Variants in PDGFRA observed in about 807,000 individuals in gnomAD.
PDGFRA encodes platelet-derived growth factor receptor alpha.
A neutral mutation model predicts 121.5 loss-of-function variants in PDGFRA; 25 were observed. That is an observed-to-expected ratio of 0.21 (90% CI 0.15 to 0.29). The LOEUF (loss-of-function observed/expected upper bound fraction) is 0.29, where lower values mean the gene tolerates loss of function less well. Ranked by LOEUF, PDGFRA falls within the 10% of genes least tolerant of loss-of-function variation. PDGFRA has a pLI of 1.00. For synonymous variants in PDGFRA, 463 were observed against 494.8 expected (o/e 0.94, Z 0.85); for missense variants, 1,008 against 1,345.1 (o/e 0.75, Z 3.92).
chr4:54,272,263 C>A, intron 8 of PDGFRA, 131 bp from the exon 9 acceptor site: 1 of 885,700 alleles, frequency 1.1e-6, no homozygotes, highest in Non-Finnish European at 1.9e-6. Context: ...GTTACTTGTA[C>A]AACTGGTTTC....
chr4:54,253,859 A>G (rs1397384625), intron 1 of PDGFRA, among the ~76,000 whole-genome samples: 1 of 151,728 alleles, frequency 6.6e-6, no homozygotes. Context: ...TAATGTTTTT[A>G]TTTTTAGTAG....
At chr4:54,256,716 A>G (rs774853968) in intron 1 of PDGFRA, among the ~76,000 whole-genome samples, 1 of 151,660 alleles carries the variant, frequency 6.6e-6, no homozygotes, top group Non-Finnish European at 1.5e-5. Context: ...CGGGTGATAA[A>G]GACCCCAGGA....
chr4:54,278,294 C>G (rs2110314017), intron 14 of PDGFRA, 68 bp from the exon 15 acceptor site: 1 of 1,301,212 alleles, frequency 7.7e-7, no homozygotes, highest in Non-Finnish European at 1.1e-6. Flanking sequence ...ATATGGTCTG[C>G]AGGACAATTC....
chr4:54,240,515 G>A (rs144078828), intron 1 of PDGFRA, among the ~76,000 whole-genome samples: 1 of 152,304 alleles, frequency 6.6e-6, no homozygotes, highest in East Asian at 1.9e-4. Context: ...TCCCACCCAG[G>A]GGAAATCTTG....
chr4:54,245,880 A>C (rs1367194647), intron 1 of PDGFRA, among the ~76,000 whole-genome samples: 13 of 151,948 alleles, frequency 8.6e-5, no homozygotes, highest in African/African-American at 2.9e-4. Context: ...TCTACCAAGC[A>C]AATGGAAAAC....
intron 2 of PDGFRA, among the ~76,000 whole-genome samples, chr4:54,259,721 TC>T (rs1722582998): frequency 6.6e-6 from 1 of 152,226 alleles, no homozygotes; most frequent in Admixed American, 6.5e-5. Flanking sequence ...GTATACCCCA[TC>T]TACAGAGTAA....
In PDGFRA at chr4:54,289,070, C is replaced by T; in HGVS notation, c.2836C>T (p.Leu946=). 6.2e-7 allele frequency: 1 copy of T among 1,610,032 alleles called. No homozygotes were observed. Among genetic ancestry groups the T allele is most frequent in the Non-Finnish European group, 8.5e-7 (1 of 1,176,308 alleles). ...GGAGAAGAGACCCTCCTTTTACCAC[C>T]TGAGTGAGATTGTGGAGAATCTGCT... ...EPEKRPSFYH[L]SEIVENLLPG... Residue 946 remains leucine (L), a synonymous_variant, in exon 21 of 23, where the codon CTG becomes TTG. Coordinates refer to ENST00000257290, the MANE Select transcript of PDGFRA (RefSeq NM_006206.6).
chr4:54,284,723 C>T (rs1724233507), intron 16 of PDGFRA, among the ~76,000 whole-genome samples: 1 of 152,068 alleles, frequency 6.6e-6, no homozygotes, highest in Non-Finnish European at 1.5e-5. Flanking sequence ...CACCTCCCAC[C>T]AGGCCCCACC....
intron 9 of PDGFRA, 36 bp downstream of exon 9, chr4:54,272,556 C>A: frequency 6.2e-7 from 1 of 1,605,106 alleles, no homozygotes; most frequent in South Asian, 1.1e-5. Context: ...CTTTCGTGGT[C>A]AGAATATTTC....
At chr4:54,245,329 C>T (rs1158667693) in intron 1 of PDGFRA, among the ~76,000 whole-genome samples, 1 of 152,166 alleles carries the variant, frequency 6.6e-6, no homozygotes, top group Non-Finnish European at 1.5e-5. Flanking sequence ...TCAGGTTACC[C>T]ACAAAGGGAA....
chr4:54,288,851 CAA>C lies in PDGFRA; in HGVS notation c.2728_2729del (p.Lys910GlufsTer9). 1 of 1,613,518 alleles carries C rather than the reference CAA, an allele frequency of 6.2e-7. No individual in the cohort carries two copies. The highest frequency in any genetic ancestry group is 8.5e-7 in the Non-Finnish European group (1 of 1,179,434). ...MVDSTFYNKIKSGYRMAKPDH... is the reference protein window; with the variant it reads ...MVDSTFYNKIXSGYRMAKPDH... ...TGGATTCTACTTTCTACAATAAGAT[CAA>C]GAGTGGGTACCGGATGGCCAAGCCT... On this transcript the variant is annotated frameshift_variant, in exon 20 of 23. Coordinates refer to ENST00000257290, the MANE Select transcript of PDGFRA (RefSeq NM_006206.6). LOFTEE classifies it high-confidence loss of function.
rs550341110 is a variant in PDGFRA, at chr4:54,292,011, A to G, written c.3122+1457A>G. On this transcript the variant is annotated intron_variant, in intron 22 of 22. Transcript: ENST00000257290. ...CAGAATGGCTATTATTTAAAAGTCA[A>G]AAAGCAACAGATTGTGGCGAGGTTG... 2.6e-5 allele frequency among the ~76,000 whole-genome samples: 4 copies of G among 152,316 alleles called. 1 individual carries two copies. In the East Asian group the frequency reaches 7.7e-4, roughly 29 times the overall value.
chr4:54,229,474 G>T (rs1231031507), intron 1 of PDGFRA, 59 bp downstream of exon 1: 1 of 395,874 alleles, frequency 2.5e-6, no homozygotes, highest in Non-Finnish European at 4.4e-6. Flanking sequence ...TCAGACTCTG[G>T]GACTGGAGAA....
chr4:54,260,919 C>T (rs543161946), intron 2 of PDGFRA, among the ~76,000 whole-genome samples, 176 bp from the exon 3 acceptor site: 2 of 152,106 alleles, frequency 1.3e-5, no homozygotes, highest in Admixed American at 6.5e-5. Flanking sequence ...ATTTGCTGCT[C>T]TCAGCAGATG....
intron 16 of PDGFRA, among the ~76,000 whole-genome samples, chr4:54,282,434 T>C (rs2110330105): frequency 6.6e-6 from 1 of 152,246 alleles, no homozygotes; most frequent in South Asian, 2.1e-4. Context: ...TGCCACACAC[T>C]TCTAAACAGT....
chr4:54,267,493 A>G, intron 6 of PDGFRA, 33 bp downstream of exon 6: 2 of 1,613,888 alleles, frequency 1.2e-6, no homozygotes, highest in East Asian at 2.2e-5. Context: ...TCAGTTGTCC[A>G]TGCTGCTCGG....
intron 1 of PDGFRA, among the ~76,000 whole-genome samples, chr4:54,236,124 A>G (rs1380182817): frequency 6.6e-6 from 1 of 152,238 alleles, no homozygotes; most frequent in Non-Finnish European, 1.5e-5. Context: ...ATGGGGGCTG[A>G]AGTTCAACAT....
intron 22 of PDGFRA, among the ~76,000 whole-genome samples, chr4:54,293,688 C>T (rs1309111688): frequency 6.6e-6 from 1 of 152,088 alleles, no homozygotes; most frequent in East Asian, 1.9e-4. Flanking sequence ...GTCTCGGCCT[C>T]CCAAGATGCT....
chr4:54,290,572 C>T lies in PDGFRA; in HGVS notation c.3122+18C>T, dbSNP rs768505130. On this transcript the variant is annotated intron_variant, in intron 22 of 22. Transcript: ENST00000257290. ...AGACACAGGTAGCTGTGGGGGCAGC[C>T]TCGGTGTCTCACCTTTCCCCTCCCC... 6.2e-7 allele frequency: 1 copy of T among 1,613,790 alleles called. No homozygotes were observed. The highest frequency in any genetic ancestry group is 1.3e-5 in the African/African-American group (1 of 74,934).
Sources: allele counts gnomAD v4.1 joint callset (sites outside exome capture counted in the v4.1 genomes callset), GRCh38; gene constraint gnomAD v4.1.1; transcripts MANE v1.5; gene names NCBI Gene and HGNC (gene_info 2026-07-23, HGNC 2026-07-21).